The following EDA variants were observed in gnomAD, a reference collection of about 807,000 sequenced individuals.
EDA encodes the protein ectodysplasin A, also known as ectodysplasin-A.
EDA carries 2 observed loss-of-function variants against 23.6 expected under a neutral mutation model. The observed-to-expected ratio is 0.08, with a 90% CI of 0.03 to 0.27. The LOEUF is 0.27. Among genes scored for constraint, EDA ranks in the 10% least tolerant of loss-of-function variants. EDA has a pLI of 1.00. For synonymous variants in EDA, 131 were observed against 132.0 expected, an observed-to-expected ratio of 0.99 and a Z score of 0.05; for missense variants, 229 against 324.2, an observed-to-expected ratio of 0.71 and a Z score of 2.26.
intron 1 of EDA, among the ~76,000 whole-genome samples, chrX:69,629,074 C>T (rs933479064): frequency 4.5e-5 from 5 of 111,735 alleles, no homozygotes; most frequent in African/African-American, 9.8e-5. Context: ...CCCTACTGCC[C>T]GTAGAATAAA....
intron 1 of EDA, among the ~76,000 whole-genome samples, chrX:69,720,062 A>C (rs2012523187): frequency 9.0e-6 from 1 of 111,314 alleles, no homozygotes; most frequent in African/African-American, 3.3e-5. Context: ...CATTTTCTTT[A>C]TCTACTCACC....
At chrX:69,744,173 C>A (rs1270398774) in intron 1 of EDA, among the ~76,000 whole-genome samples, 3 of 111,827 alleles carry the variant, frequency 2.7e-5, no homozygotes, top group Non-Finnish European at 5.6e-5. Context: ...ATAGCACTGG[C>A]AACCTGTTTC....
chrX:69,702,477 G>GAGGC (rs2011561359), intron 1 of EDA, among the ~76,000 whole-genome samples: 2 of 110,544 alleles, frequency 1.8e-5, no homozygotes, highest in Non-Finnish European at 3.8e-5. Context: ...TGGGAAGATG[G>GAGGC]TGGCTGGGAA....
At chrX:69,827,982 G>A (rs1406898341) in intron 1 of EDA, among the ~76,000 whole-genome samples, 1 of 110,851 alleles carries the variant, frequency 9.0e-6, no homozygotes, top group Non-Finnish European at 1.9e-5. Flanking sequence ...GTCTGCCCCT[G>A]CTGGGGGGTG....
chrX:69,867,950 T>C (rs1249196091), intron 1 of EDA, among the ~76,000 whole-genome samples: 1 of 111,957 alleles, frequency 8.9e-6, no homozygotes, highest in East Asian at 2.8e-4. Context: ...ACCCAGTTCA[T>C]GATAGGCAGT....
intron 1 of EDA, among the ~76,000 whole-genome samples, chrX:69,725,651 A>G (rs1467348459): frequency 8.9e-6 from 1 of 112,442 alleles, no homozygotes; most frequent in African/African-American, 3.2e-5. Context: ...GACACATAGC[A>G]TGTGCTCAGT....
At chrX:69,668,845 G>T (rs894778113) in intron 1 of EDA, among the ~76,000 whole-genome samples, 7 of 111,316 alleles carry the variant, frequency 6.3e-5, no homozygotes, top group African/African-American at 1.6e-4. Flanking sequence ...GGGATTACAG[G>T]CTTGAGCCAC....
At chrX:69,758,006 T>A (rs1439478871) in intron 1 of EDA, among the ~76,000 whole-genome samples, 2 of 112,381 alleles carry the variant, frequency 1.8e-5, no homozygotes, top group Admixed American at 1.9e-4. Context: ...GGAGTCATCA[T>A]GCTCAAGCGA....
rs191819861 is a variant in EDA, at chrX:69,819,256, A to G, written c.397-137771A>G. On this transcript the variant is annotated intron_variant, in intron 1 of 7. Transcript: ENST00000374552. ...AGCCATATATGACAAACCCATAGCCAGTATCATACTGAATGGGCAAATGCT... is the reference window on the plus strand; with the variant it reads ...AGCCATATATGACAAACCCATAGCCGGTATCATACTGAATGGGCAAATGCT... 2.5e-3 allele frequency among the ~76,000 whole-genome samples: 283 copies of G among 112,328 alleles called. 1 individual carries two copies. Among genetic ancestry groups the G allele is most frequent in the African/African-American group, 8.8e-3 (271 of 30,918 alleles).
intron 1 of EDA, among the ~76,000 whole-genome samples, chrX:69,799,267 T>C (rs1000844771): frequency 3.6e-5 from 4 of 111,478 alleles, no homozygotes; most frequent in African/African-American, 1.3e-4. Context: ...CTCCAGAACA[T>C]TGGACTGGGC....
intron 1 of EDA, among the ~76,000 whole-genome samples, chrX:69,834,132 T>G (rs1394784832): frequency 9.0e-6 from 1 of 110,525 alleles, no homozygotes; most frequent in Non-Finnish European, 1.9e-5. Flanking sequence ...GGACATGAAC[T>G]CATCCAACTA....
At chrX:69,815,199 G>T (rs747677400) in intron 1 of EDA, among the ~76,000 whole-genome samples, 1 of 112,413 alleles carries the variant, frequency 8.9e-6, no homozygotes, top group East Asian at 2.8e-4. Flanking sequence ...CAGTTCAGTC[G>T]ACTCAGCTGC....
chrX:69,623,652 G>A (rs752149722), intron 1 of EDA, among the ~76,000 whole-genome samples: 45 of 103,789 alleles, frequency 4.3e-4, no homozygotes, highest in African/African-American at 1.5e-3. Context: ...TTCATTCTAG[G>A]TATTTTCTTT....
chrX:69,677,468 C>G (rs1423227882), intron 1 of EDA, among the ~76,000 whole-genome samples: 4 of 111,535 alleles, frequency 3.6e-5, no homozygotes, highest in Non-Finnish European at 5.7e-5. Flanking sequence ...GTTCCTATTT[C>G]TCCACATCCT....
intron 1 of EDA, among the ~76,000 whole-genome samples, chrX:69,851,008 T>G (rs1438427515): frequency 8.9e-6 from 1 of 112,053 alleles, no homozygotes; most frequent in Non-Finnish European, 1.9e-5. Context: ...TCTTATTTGT[T>G]TATATGTCTG....
intron 1 of EDA, among the ~76,000 whole-genome samples, chrX:69,871,046 GT>G (rs2017558667): frequency 9.0e-6 from 1 of 111,715 alleles, no homozygotes; most frequent in African/African-American, 3.3e-5. Context: ...TATGTATAGA[GT>G]CATTGAGCTC....
chrX:69,834,309 A>G (rs2016708124), intron 1 of EDA, among the ~76,000 whole-genome samples: 1 of 110,336 alleles, frequency 9.1e-6, no homozygotes, highest in Non-Finnish European at 1.9e-5. Flanking sequence ...TGGGGTGTTA[A>G]AGTCTCCCAT....
chrX:69,732,307 G>A (rs145248390), intron 1 of EDA, among the ~76,000 whole-genome samples: 1,528 of 110,976 alleles, frequency 0.014, 19 homozygotes, highest in African/African-American at 0.045. Flanking sequence ...GTGTCCAAGT[G>A]TTCTCATTTT....
rs968902402 is a variant in EDA, at chrX:69,759,166, A to G, written c.396+142462A>G. ...TTTTTTAAACCAGCATCATTCCCCAATACAGCATTGTAACTAATGATAGCT... is the reference window on the plus strand; with the variant it reads ...TTTTTTAAACCAGCATCATTCCCCAGTACAGCATTGTAACTAATGATAGCT... On this transcript the variant is annotated intron_variant, in intron 1 of 7. Transcript: ENST00000374552. Among the ~76,000 whole-genome samples, 3 of 112,367 alleles carry G rather than the reference A, an allele frequency of 2.7e-5. No individual in the cohort carries two copies. The South Asian group carries it at 1.1e-3, about 42-fold the overall frequency.
Sources: gnomAD v4.1 joint callset for allele counts (sites outside exome capture counted in the v4.1 genomes callset) on GRCh38, gnomAD v4.1.1 for gene constraint, MANE v1.5 for transcripts, NCBI Gene and HGNC (gene_info 2026-07-23, HGNC 2026-07-21) for gene names.